Variants in SCARB2 observed in about 807,000 individuals in gnomAD.
SCARB2 encodes lysosome membrane protein 2.
Under a neutral mutation model 58.6 loss-of-function variants are expected in SCARB2, and 29 were observed. That is an observed-to-expected ratio of 0.49 (90% confidence interval 0.37 to 0.67). The LOEUF (loss-of-function observed/expected upper bound fraction) is 0.67, where lower values mean the gene tolerates loss of function less well. Ranked by LOEUF, SCARB2 falls within the 30% of genes least tolerant of loss-of-function variation. The pLI, the probability that SCARB2 is intolerant of heterozygous loss-of-function variation, is 0.00. For synonymous variants in SCARB2, 195 were observed against 210.1 expected, an observed-to-expected ratio of 0.93 and a Z score of 0.62; for missense variants, 488 against 578.5, an observed-to-expected ratio of 0.84 and a Z score of 1.60.
chr4:76,180,865 G>A, intron 3 of SCARB2, 89 bp downstream of exon 3: 1 of 1,100,118 alleles, frequency 9.1e-7, no homozygotes, highest in Non-Finnish European at 1.3e-6. Context: ...TAACTTAATG[G>A]CTCCTAAATG....
chr4:76,213,523 G>A lies in SCARB2; in HGVS notation c.21C>T (p.Tyr7=), dbSNP rs1259404552. 1.2e-6 allele frequency: 2 copies of A among 1,610,438 alleles called. No homozygotes were observed. The highest frequency in any genetic ancestry group is 1.7e-6 in the Non-Finnish European group (2 of 1,178,542). MGRCCF[Y]TAGTLSLLLL... is the part of the protein sequence containing the mutation. ...GGAGCAGGGACAACGTCCCCGCCGT[G>A]TAGAAGCAGCATCGGCCCATTCTGT... Residue 7 remains tyrosine (Y), a synonymous_variant, in exon 1 of 12, where the codon TAC becomes TAT. Coordinates refer to ENST00000264896, the MANE Select transcript of SCARB2 (RefSeq NM_005506.4).
rs1417891010 is a variant in SCARB2, at chr4:76,159,981, G to A, written c.*1732C>T. On this transcript the variant is annotated 3_prime_UTR_variant, in exon 12 of 12. Transcript: ENST00000264896. ...TTAAATGTTGATAAATTCTAAAAAT[G>A]TAGATATTTAGCATTATTGAAGACC... is the stretch of plus-strand genomic sequence containing the variant. 2 of 152,210 alleles carry A rather than the reference G, an allele frequency of 1.3e-5. No homozygotes were observed. Among genetic ancestry groups the A allele is most frequent in the South Asian group, 2.1e-4 (1 of 4,824 alleles). 9.4% of individuals were successfully genotyped at this position (152,210 alleles called of 1,614,324 possible). A position where few individuals can be genotyped will look rare whatever the true frequency, so the allele number is the denominator to read the frequency against.
At chr4:76,208,568 T>A (rs2109969804) in intron 1 of SCARB2, among the ~76,000 whole-genome samples, 1 of 152,288 alleles carries the variant, frequency 6.6e-6, no homozygotes, top group Middle Eastern at 3.4e-3. Flanking sequence ...AGAGCCAGGC[T>A]GAGTAAACAG....
intron 2 of SCARB2, among the ~76,000 whole-genome samples, chr4:76,188,754 A>G (rs1409403176): frequency 6.6e-6 from 1 of 152,254 alleles, no homozygotes. Context: ...GAATGACCGC[A>G]AAAGGCACAT....
rs762138695 is a variant in SCARB2 at position 76,174,223 on chromosome 4, C to G, written c.915G>C (p.Thr305=). The change falls in exon 7 of 12, where the codon ACG becomes ACC. Residue 305 remains threonine (T), a synonymous_variant. Transcript: ENST00000264896. Reference sequence around the variant, plus strand: ...GTATACAGAAGCCGGCATTGTCTGACGTATTGGCTAATATTTCTGCAGGAA... The same window carrying G: ...GTATACAGAAGCCGGCATTGTCTGAGGTATTGGCTAATATTTCTGCAGGAA... ...YKVPAEILAN[T]SDNAGFCIPE... The G allele has an allele frequency of 6.2e-7, 1 of 1,614,056 alleles. No individual in the cohort carries two copies. The highest frequency in any genetic ancestry group is 1.3e-5 in the African/African-American group (1 of 74,914).
intron 4 of SCARB2, chr4:76,176,824 C>T: frequency 3.5e-6 from 1 of 289,384 alleles, no homozygotes; most frequent in Non-Finnish European, 6.4e-6. Flanking sequence ...TTCCAGGTTG[C>T]AGCCCACCCT....
rs924674404 is a variant in SCARB2, at chr4:76,159,272, G to C, written c.*2441C>G. ...TGGGGGTCTTTCTAAGATAACTGCCGCAAGAAAATGAGCATGAGAAATAAT... is the reference window on the plus strand; with the variant it reads ...TGGGGGTCTTTCTAAGATAACTGCCCCAAGAAAATGAGCATGAGAAATAAT... On this transcript the variant is annotated 3_prime_UTR_variant, in exon 12 of 12. Transcript: ENST00000264896. 3 of 152,168 alleles carry C rather than the reference G, an allele frequency of 2.0e-5. No homozygotes were observed. The highest frequency in any genetic ancestry group is 4.4e-5 in the Non-Finnish European group (3 of 68,034). 9.4% of individuals were successfully genotyped at this position (152,168 alleles called of 1,614,324 possible).
At chr4:76,198,394 G>A (rs7691447) in intron 1 of SCARB2, among the ~76,000 whole-genome samples, 16,400 of 152,242 alleles carry the variant, frequency 0.11, 1,100 homozygotes, top group East Asian at 0.21. Flanking sequence ...CAGAAAGAAG[G>A]GGTTACCAGA....
At chr4:76,211,174 G>C (rs1733038123) in intron 1 of SCARB2, among the ~76,000 whole-genome samples, 1 of 152,152 alleles carries the variant, frequency 6.6e-6, no homozygotes, top group South Asian at 2.1e-4. Context: ...CAATTTGAAG[G>C]GTCCTTCTTA....
At chr4:76,202,810 C>T (rs1732856695) in intron 1 of SCARB2, among the ~76,000 whole-genome samples, 2 of 151,842 alleles carry the variant, frequency 1.3e-5, no homozygotes, top group South Asian at 4.2e-4. Context: ...AACGATTATC[C>T]TTGTTATTAA....
At chr4:76,219,647 G>A (rs544073050) in intron 1 of SCARB2, among the ~76,000 whole-genome samples, 1 of 152,222 alleles carries the variant, frequency 6.6e-6, no homozygotes, top group African/African-American at 2.4e-5. Flanking sequence ...GTGAAGAGGG[G>A]ACTGTCTGAG....
At chr4:76,233,503 T>TA (rs1159559098) in intron 1 of SCARB2, among the ~76,000 whole-genome samples, 3 of 152,066 alleles carry the variant, frequency 2.0e-5, no homozygotes, top group African/African-American at 7.2e-5. Context: ...TATCTTCCCT[T>TA]AAAAAAATAT....
chr4:76,203,464 C>T (rs76157386), intron 1 of SCARB2, among the ~76,000 whole-genome samples: 3,596 of 152,316 alleles, frequency 0.024, 122 homozygotes, highest in African/African-American at 0.082. Context: ...TTTGCTTCCT[C>T]AGTAGTGGCA....
At chr4:76,164,035 G>T (rs1192677184) in intron 10 of SCARB2, 2 of 154,170 alleles carry the variant, frequency 1.3e-5, no homozygotes, top group Non-Finnish European at 2.9e-5. Flanking sequence ...TACAGAAAGT[G>T]CTCAGCAAAG....
upstream of SCARB2, among the ~76,000 whole-genome samples, chr4:76,217,105 C>T (rs142481273): frequency 2.3e-3 from 355 of 152,290 alleles, 1 homozygote; most frequent in African/African-American, 8.2e-3. Context: ...ATGTCTGCAC[C>T]GCTAATTGGC....
chr4:76,170,015 A>G, intron 7 of SCARB2, 30 bp from the exon 8 acceptor site: 4 of 1,551,072 alleles, frequency 2.6e-6, no homozygotes, highest in Non-Finnish European at 3.5e-6. Context: ...GAAATGAATG[A>G]TGCTGTTTTT....
intron 7 of SCARB2, among the ~76,000 whole-genome samples, chr4:76,171,761 A>G (rs1732133606): frequency 6.6e-6 from 1 of 151,566 alleles, no homozygotes; most frequent in South Asian, 2.1e-4. Context: ...GCAATGGGGG[A>G]GATCACAACC....
At chr4:76,173,917 G>A in intron 7 of SCARB2, 1 of 574,362 alleles carries the variant, frequency 1.7e-6, no homozygotes, top group Non-Finnish European at 3.1e-6. Flanking sequence ...CTATTGGGCT[G>A]ACAATATATT....
intron 7 of SCARB2, among the ~76,000 whole-genome samples, chr4:76,170,578 C>G (rs1206279409): frequency 1.3e-5 from 2 of 152,116 alleles, no homozygotes; most frequent in Non-Finnish European, 2.9e-5. Flanking sequence ...CAAAGACAGG[C>G]ATAATCTCAG....
Sources: allele counts gnomAD v4.1 joint callset (sites outside exome capture counted in the v4.1 genomes callset), GRCh38; gene constraint gnomAD v4.1.1; transcripts MANE v1.5; gene names NCBI Gene and HGNC (gene_info 2026-07-23, HGNC 2026-07-21).